The following KCTD8 variants were observed in gnomAD, a reference collection of about 807,000 sequenced individuals.
KCTD8 encodes potassium channel tetramerization domain containing 8, also known as BTB/POZ domain-containing protein KCTD8.
Under a neutral mutation model 31.5 loss-of-function variants are expected in KCTD8, and 27 were observed. The observed-to-expected ratio is 0.86, with a 90% CI of 0.63 to 1.18. The LOEUF is 1.18. KCTD8 is among the 50% of genes most tolerant of loss of function. KCTD8 has a pLI of 0.00. For missense variants in KCTD8, 658 were observed against 647.7 expected (o/e 1.02, Z -0.17); for synonymous variants, 290 against 280.0 (o/e 1.04, Z -0.36).
intron 1 of KCTD8, among the ~76,000 whole-genome samples, chr4:44,275,423 A>T (rs1038494044): frequency 1.3e-5 from 2 of 151,866 alleles, no homozygotes; most frequent in African/African-American, 4.8e-5. Context: ...CAAAAAAGAG[A>T]CAATGTAATG....
intron 1 of KCTD8, among the ~76,000 whole-genome samples, chr4:44,212,923 T>G (rs1281230566): frequency 6.6e-6 from 1 of 152,072 alleles, no homozygotes; most frequent in Non-Finnish European, 1.5e-5. Flanking sequence ...TTCTTTTGTC[T>G]TTGTTTTTTT....
chr4:44,300,084 G>C (rs1407661535), intron 1 of KCTD8, among the ~76,000 whole-genome samples: 1 of 151,938 alleles, frequency 6.6e-6, no homozygotes, highest in Non-Finnish European at 1.5e-5. Flanking sequence ...CCTGACTCTT[G>C]ACTATTTTTC....
intron 1 of KCTD8, among the ~76,000 whole-genome samples, chr4:44,186,454 G>C (rs533803312): frequency 1.9e-4 from 29 of 152,302 alleles, no homozygotes; most frequent in African/African-American, 6.5e-4. Flanking sequence ...AGAACACTGG[G>C]ATACAGAAAG....
chr4:44,325,546 A>G (rs1486394337), intron 1 of KCTD8, among the ~76,000 whole-genome samples: 2 of 151,936 alleles, frequency 1.3e-5, no homozygotes, highest in African/African-American at 2.4e-5. Flanking sequence ...TGGATACCCC[A>G]TAATCCATGC....
intron 1 of KCTD8, among the ~76,000 whole-genome samples, chr4:44,423,678 A>G (rs183924413): frequency 6.8e-4 from 104 of 152,226 alleles, no homozygotes; most frequent in African/African-American, 2.5e-3. Context: ...TAAATGTACC[A>G]TGAGATTATT....
At chr4:44,432,207 T>A (rs1721523329) in intron 1 of KCTD8, among the ~76,000 whole-genome samples, 1 of 151,460 alleles carries the variant, frequency 6.6e-6, no homozygotes, top group Admixed American at 6.6e-5. Flanking sequence ...AATAAAAAGC[T>A]GCAACTAAAA....
intron 1 of KCTD8, among the ~76,000 whole-genome samples, chr4:44,205,074 A>G (rs539086114): frequency 6.6e-6 from 1 of 152,292 alleles, no homozygotes; most frequent in South Asian, 2.1e-4. Context: ...GAATAATACC[A>G]TAAAGATGTA....
intron 1 of KCTD8, among the ~76,000 whole-genome samples, chr4:44,220,308 T>C (rs932366606): frequency 1.2e-4 from 19 of 152,300 alleles, no homozygotes; most frequent in African/African-American, 4.3e-4. Flanking sequence ...ACTTATGTTG[T>C]CTAACAACTA....
Position 44,372,404 on chromosome 4 carries a change from G to A in KCTD8, c.961+75159C>T, listed in dbSNP as rs150463897. ...ACTGGTAATGCTAAAGCTACACTGA[G>A]GGTATAGGCACAGCATGGAGAAAAG... On this transcript the variant is annotated intron_variant, in intron 1 of 1. Coordinates refer to ENST00000360029, the MANE Select transcript of KCTD8 (RefSeq NM_198353.3). 1.9e-4 allele frequency among the ~76,000 whole-genome samples: 29 copies of A among 152,250 alleles called. 1 individual carries two copies. The East Asian group carries it at 5.4e-3, about 28-fold the overall frequency.
Position 44,174,851 on chromosome 4 carries a change from T to C in KCTD8, c.1361A>G (p.Asp454Gly). Residue 454 changes from aspartate (D) to glycine (G), a missense_variant, in exon 2 of 2, where the codon GAT (aspartate) becomes GGT (glycine). Coordinates refer to ENST00000360029, the MANE Select transcript of KCTD8 (RefSeq NM_198353.3). ...TTGGCGTTTGCGCTCTGGAAAATAA[T>C]CTGGAATGTGGATTTTTTTAAAATC... is the stretch of plus-strand genomic sequence containing the variant. ...IQDFKKIHIPDYFPERKRQWQ... is the reference protein window; with the variant it reads ...IQDFKKIHIPGYFPERKRQWQ... 1 of 1,613,882 alleles carries C rather than the reference T, an allele frequency of 6.2e-7. No individual in the cohort carries two copies.
chr4:44,235,711 C>T (rs1335903511), intron 1 of KCTD8, among the ~76,000 whole-genome samples: 2 of 150,712 alleles, frequency 1.3e-5, no homozygotes, highest in Admixed American at 1.3e-4. Flanking sequence ...TTAAGTAGTA[C>T]ATAGGATTTA....
chr4:44,395,000 T>C (rs899380249), intron 1 of KCTD8, among the ~76,000 whole-genome samples: 1 of 152,062 alleles, frequency 6.6e-6, no homozygotes, highest in African/African-American at 2.4e-5. Context: ...GCATGATAGT[T>C]GTGTTTACAG....
At chr4:44,279,833 G>A (rs958830581) in intron 1 of KCTD8, among the ~76,000 whole-genome samples, 1 of 151,922 alleles carries the variant, frequency 6.6e-6, no homozygotes, top group African/African-American at 2.4e-5. Context: ...TCTTAACTTT[G>A]ATATGTTGGC....
At chr4:44,315,680 G>A (rs960333240) in intron 1 of KCTD8, among the ~76,000 whole-genome samples, 1 of 151,790 alleles carries the variant, frequency 6.6e-6, no homozygotes, top group Non-Finnish European at 1.5e-5. Context: ...TTCTATGCCT[G>A]AAAAAGTGTA....
intron 1 of KCTD8, among the ~76,000 whole-genome samples, chr4:44,275,618 C>G (rs1000540929): frequency 6.6e-6 from 1 of 152,042 alleles, no homozygotes; most frequent in African/African-American, 2.4e-5. Context: ...AGCTAAGAAT[C>G]TACTAAACTA....
At chr4:44,183,326 C>T (rs1007696118) in intron 1 of KCTD8, among the ~76,000 whole-genome samples, 2 of 151,870 alleles carry the variant, frequency 1.3e-5, no homozygotes, top group African/African-American at 4.8e-5. Context: ...ATTTGAGAGG[C>T]TATGAAATAT....
intron 1 of KCTD8, among the ~76,000 whole-genome samples, chr4:44,342,269 T>G (rs1718921514): frequency 6.7e-6 from 1 of 148,460 alleles, no homozygotes; most frequent in African/African-American, 2.5e-5. Flanking sequence ...CTCTGGAGGC[T>G]GAGGCAGGAC....
intron 1 of KCTD8, among the ~76,000 whole-genome samples, chr4:44,364,976 T>A (rs774022085): frequency 6.6e-6 from 1 of 152,036 alleles, no homozygotes; most frequent in Non-Finnish European, 1.5e-5. Flanking sequence ...CTATTCTGTA[T>A]GAAACTGTAA....
intron 1 of KCTD8, among the ~76,000 whole-genome samples, chr4:44,209,628 C>T (rs958164829): frequency 4.0e-5 from 6 of 151,856 alleles, no homozygotes; most frequent in African/African-American, 1.5e-4. Flanking sequence ...TATAGACATA[C>T]CAGCATTCAT....
Sources: allele counts gnomAD v4.1 joint callset (sites outside exome capture counted in the v4.1 genomes callset), GRCh38; gene constraint gnomAD v4.1.1; transcripts MANE v1.5; gene names NCBI Gene and HGNC (gene_info 2026-07-23, HGNC 2026-07-21).